Variants in FBXO32 observed in about 807,000 individuals in gnomAD.
FBXO32 encodes F-box only protein 32.
FBXO32 carries 15 observed loss-of-function variants against 48.3 expected under a neutral mutation model. That is an observed-to-expected ratio of 0.31 (90% confidence interval 0.21 to 0.48). FBXO32 has a LOEUF of 0.48. FBXO32 is among the 20% of genes least tolerant of loss of function. FBXO32 has a pLI of 0.99. For synonymous variants in FBXO32, 154 were observed against 165.9 expected (o/e 0.93, Z 0.55); for missense variants, 309 against 432.7 (o/e 0.71, Z 2.54).
chr8:123,504,259 T>C (rs1816564404), intron 8 of FBXO32, among the ~76,000 whole-genome samples: 1 of 152,124 alleles, frequency 6.6e-6, no homozygotes, highest in Non-Finnish European at 1.5e-5. Context: ...TGAAACTACG[T>C]ACATCTATTA....
intron 6 of FBXO32, among the ~76,000 whole-genome samples, chr8:123,510,154 C>T (rs2130510167): frequency 6.6e-6 from 1 of 152,340 alleles, no homozygotes; most frequent in East Asian, 1.9e-4. Flanking sequence ...TTAATAATAA[C>T]AGCTGATACA....
Position 123,513,374 on chromosome 8 carries a change from C to T in FBXO32, c.475G>A (p.Asp159Asn), listed in dbSNP as rs146542406. The change falls in exon 6 of 9, where the codon GAC (aspartate) becomes AAC (asparagine). Residue 159 changes from aspartate (D) to asparagine (N), a missense_variant. By Grantham distance (23) the Asp-to-Asn change is conservative. Transcript: ENST00000517956. This position sits in a 1 kb window ranked among gnomAD's most constrained non-coding sequence, Gnocchi z 4.3. ...LEKVVLKVLE[D>N]QQNIRLIREL... Reference sequence around the variant, plus strand: ...CTTATTAGTCTAATGTTTTGCTGGTCTTCAAGGACTTGAGTAGGGAAGAAA... The same window carrying T: ...CTTATTAGTCTAATGTTTTGCTGGTTTTCAAGGACTTGAGTAGGGAAGAAA... 1.9e-6 allele frequency: 3 copies of T among 1,613,512 alleles called. No homozygotes were observed. The African/African-American group carries it at 4.0e-5, about 22-fold the overall frequency.
At position 123,541,133 on chromosome 8, in the gene FBXO32, G is replaced by A. The variant is rs371252744; in HGVS notation, c.-119C>T. On this transcript the variant is annotated 5_prime_UTR_variant, in exon 1 of 9. Coordinates refer to ENST00000517956, the MANE Select transcript of FBXO32 (RefSeq NM_058229.4). ...CCCGCGACGGGGGCGGCGGGGCGGC[G>A]GGAACGGCGCGGGGCACCCTGCGGG... The A allele has an allele frequency of 3.9e-6, 2 of 511,518 alleles. No homozygotes were observed. The highest frequency in any genetic ancestry group is 6.2e-6 in the Non-Finnish European group (2 of 320,598). 31.7% of individuals were successfully genotyped at this position (511,518 alleles called of 1,614,324 possible).
In FBXO32 at chr8:123,536,798, T is replaced by A. The variant is rs368577138; in HGVS notation, c.117-1984A>T. 3.3e-5 allele frequency among the ~76,000 whole-genome samples: 5 copies of A among 152,332 alleles called. No homozygotes were observed. The South Asian group carries it at 1.0e-3, about 32-fold the overall frequency. On this transcript the variant is annotated intron_variant, in intron 1 of 8. Coordinates refer to ENST00000517956, the MANE Select transcript of FBXO32 (RefSeq NM_058229.4). ...AGATTGTGATCATTACTTAGCAAGT[T>A]CAAATATTTAGATTTCATCTTACTC...
intron 6 of FBXO32, among the ~76,000 whole-genome samples, chr8:123,509,593 G>A (rs752866786): frequency 6.6e-6 from 1 of 152,052 alleles, no homozygotes; most frequent in African/African-American, 2.4e-5. Context: ...CCAGCTACTC[G>A]GGAGGCTGAG....
At chr8:123,532,240 A>C in intron 3 of FBXO32, 1 of 1,204,888 alleles carries the variant, frequency 8.3e-7, no homozygotes, top group Middle Eastern at 3.2e-4. Context: ...GACTTGTACC[A>C]TTTGGGACCT....
intron 4 of FBXO32, among the ~76,000 whole-genome samples, chr8:123,524,186 GTGGTGTGGGCATCTCCCACTTTTTC>G (rs1817023605): frequency 6.6e-6 from 1 of 152,106 alleles, no homozygotes. Flanking sequence ...TACATCTAGG[GTGGTGTGGGCATCTCCCACTTTTTC>G]AGGTGGCCTC....
chr8:123,518,335 G>C (rs1586994706), intron 4 of FBXO32, among the ~76,000 whole-genome samples: 1 of 152,148 alleles, frequency 6.6e-6, no homozygotes, highest in Non-Finnish European at 1.5e-5. Flanking sequence ...ATAATACAGA[G>C]CATTACCAAG....
Position 123,541,031 on chromosome 8 carries a change from T to A in FBXO32, c.-17A>T. 6.4e-7 allele frequency: 1 copy of A among 1,562,446 alleles called. No individual in the cohort carries two copies. The highest frequency in any genetic ancestry group is 8.7e-7 in the Non-Finnish European group (1 of 1,143,444). On this transcript the variant is annotated 5_prime_UTR_variant, in exon 1 of 9. Coordinates refer to ENST00000517956, the MANE Select transcript of FBXO32 (RefSeq NM_058229.4). ...GAATGGCATGGCACCGCGAGCGGAC[T>A]AGACGGATGGGGAGACGGGGCCGGC...
chr8:123,503,712 A>G (rs112602555), intron 8 of FBXO32, among the ~76,000 whole-genome samples: 98 of 152,340 alleles, frequency 6.4e-4, no homozygotes, highest in African/African-American at 2.3e-3. Context: ...CAATGGGTAC[A>G]AATACACGGT....
chr8:123,511,619 G>T (rs1816736671), intron 6 of FBXO32, among the ~76,000 whole-genome samples: 1 of 152,090 alleles, frequency 6.6e-6, no homozygotes, highest in African/African-American at 2.4e-5. Flanking sequence ...GGGACTACAG[G>T]TGTGTACCAC....
At position 123,503,215 on chromosome 8, in the gene FBXO32, G is replaced by T; in HGVS notation, c.*158C>A. ...ATTCTTAAATTCCCAGTCAGCAACTGCATTTCTCCCCTCCAATGTCCTCTC... is the reference window on the plus strand; with the variant it reads ...ATTCTTAAATTCCCAGTCAGCAACTTCATTTCTCCCCTCCAATGTCCTCTC... On this transcript the variant is annotated 3_prime_UTR_variant, in exon 9 of 9. Coordinates refer to ENST00000517956, the MANE Select transcript of FBXO32 (RefSeq NM_058229.4). 2.0e-6 allele frequency: 1 copy of T among 509,730 alleles called. No individual in the cohort carries two copies. The allele number at this position is 509,730 out of a possible 1,614,324, so 31.6% of individuals were successfully genotyped here.
chr8:123,504,851 T>C, intron 7 of FBXO32, 104 bp from the exon 8 acceptor site: 1 of 1,106,956 alleles, frequency 9.0e-7, no homozygotes, highest in South Asian at 1.5e-5. Flanking sequence ...TTCCCCCTCT[T>C]TTCAGCTCTA....
intron 4 of FBXO32, among the ~76,000 whole-genome samples, chr8:123,527,990 T>C (rs76763950): frequency 0.029 from 4,486 of 152,290 alleles, 237 homozygotes; most frequent in African/African-American, 0.1. Context: ...GTGCACTTTG[T>C]TTAAAAATTC....
At chr8:123,538,636 T>G (rs1210257067) in intron 1 of FBXO32, among the ~76,000 whole-genome samples, 1 of 152,014 alleles carries the variant, frequency 6.6e-6, no homozygotes, top group East Asian at 1.9e-4. Flanking sequence ...TGTTTACAGT[T>G]GCTGGAAAAA....
At chr8:123,522,432 C>T (rs1816976334) in intron 4 of FBXO32, among the ~76,000 whole-genome samples, 1 of 152,144 alleles carries the variant, frequency 6.6e-6, no homozygotes, top group Non-Finnish European at 1.5e-5. Flanking sequence ...TGGTCTCAAA[C>T]TCCTCACCTC....
At chr8:123,539,087 C>G (rs934513273) in intron 1 of FBXO32, among the ~76,000 whole-genome samples, 3 of 152,150 alleles carry the variant, frequency 2.0e-5, no homozygotes, top group South Asian at 2.1e-4. Context: ...CTCGCTGCAG[C>G]CTTGAACTTC....
Position 123,503,457 on chromosome 8 carries a change from A to G in FBXO32, c.984T>C (p.Thr328=). Reference sequence around the variant, plus strand: ...GGTTATTGGCAGTGCACGGATGGTCAGTGCCCTGGAAAGGAACACATGGTT... The same window carrying G: ...GGTTATTGGCAGTGCACGGATGGTCGGTGCCCTGGAAAGGAACACATGGTT... The part of the protein sequence containing the change: ...KHCHILSWKG[T]DHPCTANNPE... Residue 328 remains threonine, a synonymous_variant, in exon 9 of 9, where the codon ACT becomes ACC. Coordinates refer to ENST00000517956, the MANE Select transcript of FBXO32 (RefSeq NM_058229.4). 1 of 1,613,856 alleles carries G rather than the reference A, an allele frequency of 6.2e-7. No individual in the cohort carries two copies. Among genetic ancestry groups the G allele is most frequent in the Non-Finnish European group, 8.5e-7 (1 of 1,179,768 alleles).
intron 3 of FBXO32, 56 bp from the exon 4 acceptor site, chr8:123,532,046 G>C: frequency 6.2e-7 from 1 of 1,607,068 alleles, no homozygotes; most frequent in Non-Finnish European, 8.5e-7. Flanking sequence ...GGTCACCCAA[G>C]TAAGAATGAG....
Sources: gnomAD v4.1 joint callset for allele counts (sites outside exome capture counted in the v4.1 genomes callset) on GRCh38, gnomAD v4.1.1 for gene constraint, Gnocchi (gnomAD v3.1) non-coding constraint, MANE v1.5 for transcripts, NCBI Gene and HGNC (gene_info 2026-07-23, HGNC 2026-07-21) for gene names.